Variants in SLC8A1 observed in about 807,000 individuals in gnomAD.
SLC8A1 encodes the protein sodium/calcium exchanger 1.
A neutral mutation model predicts 68.3 loss-of-function variants in SLC8A1; 18 were observed. The ratio of observed to expected loss-of-function variants is 0.26; its 90% CI spans 0.18 to 0.39. The LOEUF (loss-of-function observed/expected upper bound fraction) is 0.39, where lower values mean the gene tolerates loss of function less well. Among genes scored for constraint, SLC8A1 ranks in the 10% least tolerant of loss-of-function variants. SLC8A1 has a pLI of 1.00. For missense variants in SLC8A1, 985 were observed against 1,156.7 expected (o/e 0.85, Z 2.15); for synonymous variants, 475 against 415.5 (o/e 1.14, Z -1.74).
At chr2:40,436,921 G>T (rs143862677) in intron 1 of SLC8A1, among the ~76,000 whole-genome samples, 447 of 152,148 alleles carry the variant, frequency 2.9e-3, no homozygotes, top group Non-Finnish European at 5.2e-3. Context: ...CACAGAGCAG[G>T]GTTTAAGGGC....
At chr2:40,267,334 A>C (rs894069410) in intron 2 of SLC8A1, among the ~76,000 whole-genome samples, 1 of 152,202 alleles carries the variant, frequency 6.6e-6, no homozygotes, top group African/African-American at 2.4e-5. Context: ...AATATCCTAG[A>C]AAGTTAGTAA....
chr2:40,190,748 G>A (rs560229054), intron 2 of SLC8A1: 1 of 152,172 alleles, frequency 6.6e-6, no homozygotes, highest in Admixed American at 6.5e-5. Context: ...CCACAGAAAC[G>A]CTACATAAAG....
At chr2:40,320,545 C>G (rs2075063185) in intron 2 of SLC8A1, among the ~76,000 whole-genome samples, 1 of 152,230 alleles carries the variant, frequency 6.6e-6, no homozygotes, top group South Asian at 2.1e-4. Flanking sequence ...TGCCTAAAAT[C>G]AGACGTTTAT....
Position 40,176,759 on chromosome 2 carries a change from G to C in SLC8A1, c.1912+993C>G, listed in dbSNP as rs183500009. Among the ~76,000 whole-genome samples, 24 of 152,156 alleles carry C rather than the reference G, an allele frequency of 1.6e-4. No individual in the cohort carries two copies. The East Asian group carries it at 4.6e-3, about 29-fold the overall frequency. On this transcript the variant is annotated intron_variant, in intron 3 of 7. Coordinates refer to ENST00000406785, the Ensembl canonical transcript of SLC8A1. Reference sequence around the variant, plus strand: ...TGTAAAAGCATAAATTTCTTACAAAGTGGCCCATCTCATTATATCATACTG... The same window carrying C: ...TGTAAAAGCATAAATTTCTTACAAACTGGCCCATCTCATTATATCATACTG...
chr2:40,239,490 C>G (rs4625966), intron 2 of SLC8A1, among the ~76,000 whole-genome samples: 1 of 152,198 alleles, frequency 6.6e-6, no homozygotes, highest in East Asian at 1.9e-4. Context: ...GAACCAATGC[C>G]TAAAAAAGTT....
chr2:40,485,987 T>C (rs940022478), intron 1 of SLC8A1, among the ~76,000 whole-genome samples: 8 of 152,208 alleles, frequency 5.3e-5, no homozygotes, highest in African/African-American at 1.9e-4. Context: ...TCATCTTGAA[T>C]TGTAGTTCTC....
At chr2:40,230,242 T>G (rs1426070827) in intron 2 of SLC8A1, among the ~76,000 whole-genome samples, 1 of 152,190 alleles carries the variant, frequency 6.6e-6, no homozygotes, top group Non-Finnish European at 1.5e-5. Flanking sequence ...TAGATGTGTC[T>G]TGTCTTCCCC....
chr2:40,214,686 C>G (rs2057178834), intron 2 of SLC8A1, among the ~76,000 whole-genome samples: 1 of 152,064 alleles, frequency 6.6e-6, no homozygotes, highest in Non-Finnish European at 1.5e-5. Flanking sequence ...GATCCGCCTG[C>G]CTTGGCCTCC....
chr2:40,234,315 A>G (rs1196277634), intron 2 of SLC8A1, among the ~76,000 whole-genome samples: 2 of 151,570 alleles, frequency 1.3e-5, no homozygotes, highest in Non-Finnish European at 2.9e-5. Flanking sequence ...GGTCCTTCAC[A>G]TCCCTTGTAA....
chr2:40,259,072 G>A (rs1405162214), intron 2 of SLC8A1, among the ~76,000 whole-genome samples: 2 of 152,252 alleles, frequency 1.3e-5, no homozygotes, highest in South Asian at 2.1e-4. Context: ...GGTGTGAGGT[G>A]TTACTATTAG....
intron 2 of SLC8A1, among the ~76,000 whole-genome samples, chr2:40,264,953 G>A (rs1321293118): frequency 6.6e-6 from 1 of 152,110 alleles, no homozygotes; most frequent in Non-Finnish European, 1.5e-5. Flanking sequence ...AGGCTTAGAG[G>A]GTGTTTATGA....
intron 2 of SLC8A1, among the ~76,000 whole-genome samples, chr2:40,320,386 G>T (rs573394567): frequency 6.6e-6 from 1 of 152,028 alleles, no homozygotes; most frequent in Non-Finnish European, 1.5e-5. Flanking sequence ...GCCCTTAGTT[G>T]CTGGTACAGT....
At chr2:40,505,146 A>G (rs537196241) in intron 1 of SLC8A1, among the ~76,000 whole-genome samples, 1 of 152,044 alleles carries the variant, frequency 6.6e-6, no homozygotes, top group South Asian at 2.1e-4. Flanking sequence ...TAAACATCAA[A>G]AGAATTGAAC....
intron 2 of SLC8A1, among the ~76,000 whole-genome samples, chr2:40,228,643 T>C (rs956459167): frequency 1.3e-5 from 2 of 152,228 alleles, no homozygotes; most frequent in African/African-American, 4.8e-5. Flanking sequence ...TGCCATATTC[T>C]AGTCCTCATT....
At chr2:40,384,514 A>G (rs1682949158) in intron 2 of SLC8A1, among the ~76,000 whole-genome samples, 1 of 152,092 alleles carries the variant, frequency 6.6e-6, no homozygotes, top group Admixed American at 6.6e-5. Context: ...TCATCATTCA[A>G]AAAGAACATA....
At chr2:40,374,922 C>T (rs1036405520) in intron 2 of SLC8A1, among the ~76,000 whole-genome samples, 1 of 151,998 alleles carries the variant, frequency 6.6e-6, no homozygotes. Flanking sequence ...TAAAAAGGAG[C>T]CCCTTATATT....
chr2:40,104,572 G>A (rs181012999), exon 8 of SLC8A1: 26 of 152,270 alleles, frequency 1.7e-4, no homozygotes, highest in Admixed American at 1.6e-3. Context: ...TTGATAAAAT[G>A]TAGACCAAAA....
intron 1 of SLC8A1, among the ~76,000 whole-genome samples, chr2:40,497,500 G>T (rs1260215649): frequency 6.6e-6 from 1 of 151,992 alleles, no homozygotes; most frequent in African/African-American, 2.4e-5. Context: ...ATATAAATCA[G>T]TATTGGGTAA....
chr2:40,372,080 C>T (rs957004861), intron 2 of SLC8A1, among the ~76,000 whole-genome samples: 2 of 152,014 alleles, frequency 1.3e-5, no homozygotes, highest in African/African-American at 4.8e-5. Flanking sequence ...TATGATAAAC[C>T]CCTCTTAATG....
Sources: allele counts gnomAD v4.1 joint callset (sites outside exome capture counted in the v4.1 genomes callset), GRCh38; gene constraint gnomAD v4.1.1; transcripts MANE v1.5; gene names NCBI Gene and HGNC (gene_info 2026-07-23, HGNC 2026-07-21).